FBXO34: variants seen among roughly 807,000 people sequenced by gnomAD.
The protein encoded by FBXO34 is F-box only protein 34.
FBXO34 carries 12 observed loss-of-function variants against 24.5 expected under a neutral mutation model. That is an observed-to-expected ratio of 0.49 (90% confidence interval 0.31 to 0.79). The LOEUF (loss-of-function observed/expected upper bound fraction) is 0.79. FBXO34 is among the 30% of genes least tolerant of loss of function. FBXO34 has a pLI of 0.04. For synonymous variants in FBXO34, 320 were observed against 311.9 expected (o/e 1.03, Z -0.27); for missense variants, 823 against 857.7 (o/e 0.96, Z 0.51).
chr14:55,372,631 C>T (rs542767100), downstream of FBXO34, among the ~76,000 whole-genome samples: 2 of 151,962 alleles, frequency 1.3e-5, no homozygotes, highest in South Asian at 2.1e-4. Context: ...TCCTTTCTTC[C>T]CCAGTCAGCT....
At chr14:55,302,506 G>A (rs1882397500) in intron 1 of FBXO34, among the ~76,000 whole-genome samples, 1 of 136,264 alleles carries the variant, frequency 7.3e-6, no homozygotes, top group Non-Finnish European at 1.6e-5. Context: ...GCTCAGGTTG[G>A]TGTGGAACAC....
At chr14:55,390,913 T>A in the FBXO34 span, 4 of 1,585,810 alleles carry the variant, frequency 2.5e-6, no homozygotes, top group Non-Finnish European at 3.4e-6. Flanking sequence ...TTACTTACTT[T>A]TCTCCATTTC....
chr14:55,363,474 CCCA>C (rs1342082572), downstream of FBXO34, among the ~76,000 whole-genome samples: 5 of 151,742 alleles, frequency 3.3e-5, no homozygotes, highest in African/African-American at 9.7e-5. Flanking sequence ...ATTACAGGTG[CCCA>C]CCACCACACC....
the FBXO34 span, among the ~76,000 whole-genome samples, chr14:55,439,617 C>CCCCCCCCCCCCCCG: frequency 4.5e-4 from 33 of 72,636 alleles, no homozygotes; most frequent in Admixed American, 7.0e-4. Context: ...AAAGCAAACC[C>CCCCCCCCCCCCCCG]CCCCCCGTCT....
the FBXO34 span, among the ~76,000 whole-genome samples, chr14:55,378,830 C>G: frequency 2.0e-5 from 3 of 152,170 alleles, no homozygotes; most frequent in African/African-American, 2.4e-5. Context: ...CTCACTCTCC[C>G]AAGTAGCTGG....
chr14:55,342,898 C>T (rs961967809), intron 1 of FBXO34, among the ~76,000 whole-genome samples: 11 of 152,128 alleles, frequency 7.2e-5, no homozygotes, highest in Non-Finnish European at 1.0e-4. Flanking sequence ...ATATATCATC[C>T]TTCATAGTGG....
chr14:55,411,721 C>T, the FBXO34 span: 1 of 1,612,410 alleles, frequency 6.2e-7, no homozygotes, highest in Non-Finnish European at 8.5e-7. Context: ...CGTACAGCCC[C>T]TCCGCATCGT....
intron 1 of FBXO34, among the ~76,000 whole-genome samples, chr14:55,281,656 G>A (rs1007875964): frequency 2.6e-5 from 4 of 152,122 alleles, no homozygotes; most frequent in Admixed American, 6.6e-5. Flanking sequence ...GTTTTACGAA[G>A]TCTATTCCCA....
intron 1 of FBXO34, among the ~76,000 whole-genome samples, chr14:55,327,631 G>C (rs892386199): frequency 6.6e-6 from 1 of 152,246 alleles, no homozygotes; most frequent in South Asian, 2.1e-4. Context: ...TTGGAGAGTA[G>C]TACTGGAAAG....
chr14:55,337,408 T>C lies in FBXO34; in HGVS notation c.-10-12973T>C, dbSNP rs1219907847. 2.6e-5 allele frequency among the ~76,000 whole-genome samples: 4 copies of C among 152,234 alleles called. No individual in the cohort carries two copies. In the East Asian group the frequency reaches 5.8e-4, roughly 22 times the overall value. On this transcript the variant is annotated intron_variant, in intron 1 of 1. Transcript: ENST00000313833. ...ATATCTGTGCATGTTCTCTTCCATGTGTTCTGTATAGTTGTACCAGCCTTA... is the reference window on the plus strand; with the variant it reads ...ATATCTGTGCATGTTCTCTTCCATGCGTTCTGTATAGTTGTACCAGCCTTA...
intron 1 of FBXO34, among the ~76,000 whole-genome samples, chr14:55,274,781 A>G (rs1478263617): frequency 1.3e-5 from 2 of 152,204 alleles, no homozygotes; most frequent in African/African-American, 2.4e-5. Flanking sequence ...TCTTGTTTTA[A>G]TATTTGTTTG....
At chr14:55,427,511 T>C in the FBXO34 span, among the ~76,000 whole-genome samples, 1 of 152,176 alleles carries the variant, frequency 6.6e-6, no homozygotes, top group Non-Finnish European at 1.5e-5. Context: ...AATCATTCGA[T>C]GGCCAAGAGA....
At chr14:55,312,428 C>CT (rs1390563948) in intron 1 of FBXO34, among the ~76,000 whole-genome samples, 1 of 152,110 alleles carries the variant, frequency 6.6e-6, no homozygotes, top group Non-Finnish European at 1.5e-5. Flanking sequence ...ATTCTGGGGT[C>CT]TGGAGGATGG....
chr14:55,427,278 A>G, the FBXO34 span, among the ~76,000 whole-genome samples: 1 of 152,202 alleles, frequency 6.6e-6, no homozygotes, highest in African/African-American at 2.4e-5. Context: ...ATTCAATAGC[A>G]TACAGTGAAA....
At position 55,308,030 on chromosome 14, in the gene FBXO34, C is replaced by T. The variant is rs73263922; in HGVS notation, c.-11+36493C>T. On this transcript the variant is annotated intron_variant, in intron 1 of 1. Coordinates refer to ENST00000313833, the MANE Select transcript of FBXO34 (RefSeq NM_017943.4). The stretch of plus-strand genomic sequence containing the variant: ...GTTCTCCTCGTGGTAATAAGTCTCA[C>T]GAGATCCGATGGTTTTATAAATGGG... 3.6e-3 allele frequency among the ~76,000 whole-genome samples: 548 copies of T among 152,246 alleles called. 2 individuals are homozygous for T. The highest frequency in any genetic ancestry group is 0.013 in the African/African-American group (532 of 41,538).
At chr14:55,353,648 A>G (rs1752849010), downstream of FBXO34, 1 of 167,036 alleles carries the variant, frequency 6.0e-6, no homozygotes, top group Admixed American at 6.5e-5. Context: ...CTGTTTTGAT[A>G]CAATGTTGAA....
the FBXO34 span, among the ~76,000 whole-genome samples, chr14:55,425,806 C>T: frequency 6.6e-6 from 1 of 152,200 alleles, no homozygotes; most frequent in African/African-American, 2.4e-5. Flanking sequence ...CACCATGTTT[C>T]ATTACTGTCA....
intron 1 of FBXO34, among the ~76,000 whole-genome samples, chr14:55,273,190 CT>C (rs1881217001): frequency 6.7e-6 from 1 of 148,150 alleles, no homozygotes; most frequent in African/African-American, 2.6e-5. Context: ...TTTTTTTCCT[CT>C]CTCTCAATAC....
At chr14:55,429,401 C>T in the FBXO34 span, among the ~76,000 whole-genome samples, 1 of 152,186 alleles carries the variant, frequency 6.6e-6, no homozygotes, top group South Asian at 2.1e-4. Flanking sequence ...TTAACAAGCC[C>T]TCTAGGTAAC....
Sources: gnomAD v4.1 joint callset for allele counts (sites outside exome capture counted in the v4.1 genomes callset) on GRCh38, gnomAD v4.1.1 for gene constraint, MANE v1.5 for transcripts, NCBI Gene and HGNC (gene_info 2026-07-23, HGNC 2026-07-21) for gene names.